Variants in TRAF3 observed in about 807,000 individuals in gnomAD.
TRAF3 encodes TNF receptor associated factor 3.
A neutral mutation model predicts 62.3 loss-of-function variants in TRAF3; 13 were observed. That is an observed-to-expected ratio of 0.21 (90% CI 0.14 to 0.33). TRAF3 has a LOEUF of 0.33. Among genes scored for constraint, TRAF3 ranks in the 10% least tolerant of loss-of-function variants. The probability of loss-of-function intolerance (pLI) is 1.00; values close to 1 mark genes in which losing one functional copy is unlikely to be tolerated. For missense variants in TRAF3, 440 were observed against 741.8 expected (o/e 0.59, Z 4.73); for synonymous variants, 269 against 283.4 (o/e 0.95, Z 0.51).
At chr14:102,897,588 G>A (rs560473849) in intron 10 of TRAF3, among the ~76,000 whole-genome samples, 187 bp downstream of exon 10, 3 of 152,320 alleles carry the variant, frequency 2.0e-5, no homozygotes, top group African/African-American at 7.2e-5. Context: ...GGCCTGGGAA[G>A]CCGCAGGTCA....
chr14:102,809,426 G>T (rs796308083), intron 1 of TRAF3, among the ~76,000 whole-genome samples: 1 of 152,014 alleles, frequency 6.6e-6, no homozygotes, highest in Non-Finnish European at 1.5e-5. Flanking sequence ...CACCGCGCCT[G>T]GCCTAGAGTG....
At chr14:102,869,992 G>A (rs1888239472) in intron 2 of TRAF3, among the ~76,000 whole-genome samples, 193 bp from the exon 3 acceptor site, 1 of 151,910 alleles carries the variant, frequency 6.6e-6, no homozygotes, top group South Asian at 2.1e-4. Context: ...GTTACTATGT[G>A]TTTGGGTAAA....
intron 6 of TRAF3, among the ~76,000 whole-genome samples, chr14:102,881,234 A>C (rs1889038626): frequency 6.6e-6 from 1 of 151,788 alleles, no homozygotes; most frequent in African/African-American, 2.4e-5. Context: ...AAATACAAAA[A>C]TTAGCTGGGC....
In TRAF3 at chr14:102,900,920, A is replaced by G. The variant is rs181476729; in HGVS notation, c.961-2335A>G. 3.3e-5 allele frequency among the ~76,000 whole-genome samples: 5 copies of G among 152,296 alleles called. No individual in the cohort carries two copies. In the East Asian group the frequency reaches 9.6e-4, roughly 29 times the overall value. ...TACCTGCACTTGAGATTTATTTTTT[A>G]TAGAAACTGCAGTGACTGAGTGTAG... On this transcript the variant is annotated intron_variant, in intron 10 of 11. Transcript: ENST00000392745.
chr14:102,801,123 G>T (rs144086328), intron 1 of TRAF3, among the ~76,000 whole-genome samples: 1 of 152,200 alleles, frequency 6.6e-6, no homozygotes, highest in Non-Finnish European at 1.5e-5. Flanking sequence ...CGGAGATCGC[G>T]CCACGGCACT....
rs200631045 is a variant in TRAF3, at chr14:102,870,156, G to C, written c.-17-29G>C. 5.5e-5 allele frequency: 88 copies of C among 1,613,858 alleles called. 1 individual carries two copies. The African/African-American group carries it at 1.1e-3, about 20-fold the overall frequency. On this transcript the variant is annotated intron_variant, in intron 2 of 11. Coordinates refer to ENST00000392745, the MANE Select transcript of TRAF3 (RefSeq NM_145725.3). ...TTTGTTTCCTTGCATGAGAGGATAT[G>C]ATGGCACTCTACTGTTTTTTCCCGA...
chr14:102,830,028 T>C (rs1900576475), intron 1 of TRAF3, among the ~76,000 whole-genome samples: 1 of 152,126 alleles, frequency 6.6e-6, no homozygotes, highest in African/African-American at 2.4e-5. Context: ...TTTAAAACAA[T>C]GTTGACATCT....
chr14:102,886,943 CT>C lies in TRAF3; in HGVS notation c.651+676del, dbSNP rs200073512. On this transcript the variant is annotated intron_variant, in intron 7 of 11. Transcript: ENST00000392745. ...AAGAACATGAATTAACTTAGAGACA[CT>C]TCAGAACCATTTTGCTCACACATGC... 6.7e-3 allele frequency among the ~76,000 whole-genome samples: 1,015 copies of C among 152,318 alleles called. 41 individuals are homozygous for C. The highest frequency in any genetic ancestry group is 0.054 in the Admixed American group (819 of 15,300).
At chr14:102,834,230 A>C (rs1029815475) in intron 2 of TRAF3, among the ~76,000 whole-genome samples, 23 of 152,144 alleles carry the variant, frequency 1.5e-4, no homozygotes, top group African/African-American at 5.6e-4. Flanking sequence ...ACCTAACAGC[A>C]TGGTACGGGT....
In TRAF3 at chr14:102,811,913, C is replaced by CTTTTTTTTTTTTTTT; in HGVS notation, c.-156-18405_-156-18391dup. On this transcript the variant is annotated intron_variant, in intron 1 of 11. Coordinates refer to ENST00000392745, the MANE Select transcript of TRAF3 (RefSeq NM_145725.3). ...TAGGCTTGTGCCACCATGCCTGGCC[C>CTTTTTTTTTTTTTTT]TTTTTTTTTTTTTTTTTTTTTTTTT... is the stretch of plus-strand genomic sequence containing the variant. Among the ~76,000 whole-genome samples, 167 of 47,086 alleles carry CTTTTTTTTTTTTTTT rather than the reference C, an allele frequency of 3.5e-3. 42 individuals are homozygous for CTTTTTTTTTTTTTTT. The highest frequency in any genetic ancestry group is 6.7e-3 in the South Asian group (4 of 596). The allele number at this position is 47,086 out of a possible 152,430, so 30.9% of individuals were successfully genotyped here. A position where few individuals can be genotyped will look rare whatever the true frequency, so the allele number is the denominator to read the frequency against.
chr14:102,866,929 G>A (rs1035426934), intron 2 of TRAF3, among the ~76,000 whole-genome samples: 1 of 150,732 alleles, frequency 6.6e-6, no homozygotes, highest in African/African-American at 2.4e-5. Flanking sequence ...GGCATTTCAC[G>A]GAAGAGAAAA....
intron 1 of TRAF3, among the ~76,000 whole-genome samples, chr14:102,802,136 G>GCCACCACGC: frequency 6.7e-6 from 1 of 148,688 alleles, no homozygotes; most frequent in Non-Finnish European, 1.5e-5. Flanking sequence ...GCAGGCATGA[G>GCCACCACGC]CCATTGCACC....
chr14:102,855,247 G>A (rs1887294039), intron 2 of TRAF3, among the ~76,000 whole-genome samples: 1 of 152,082 alleles, frequency 6.6e-6, no homozygotes, highest in African/African-American at 2.4e-5. Flanking sequence ...ACATTTTGGT[G>A]GTTTCTACCT....
chr14:102,797,650 G>C lies in TRAF3; in HGVS notation c.-157+19975G>C, dbSNP rs187706899. On this transcript the variant is annotated intron_variant, in intron 1 of 11. Transcript: ENST00000392745. ...TGCATGGCATATGGAGATTATAGTTGCTGTGAAAATAAAATAATCAGTTTT... is the reference window on the plus strand; with the variant it reads ...TGCATGGCATATGGAGATTATAGTTCCTGTGAAAATAAAATAATCAGTTTT... Among the ~76,000 whole-genome samples the C allele has an allele frequency of 1.2e-4, 19 of 152,164 alleles. 1 individual carries two copies. The East Asian group carries it at 3.7e-3, about 29-fold the overall frequency.
intron 2 of TRAF3, among the ~76,000 whole-genome samples, chr14:102,848,015 C>T (rs1169228105): frequency 6.6e-6 from 1 of 152,210 alleles, no homozygotes; most frequent in Non-Finnish European, 1.5e-5. Flanking sequence ...TCTCTCGGCC[C>T]TACCCTTCCC....
At chr14:102,891,265 C>G (rs891528259) in intron 8 of TRAF3, 60 bp from the exon 9 acceptor site, 1 of 1,497,024 alleles carries the variant, frequency 6.7e-7, no homozygotes, top group East Asian at 2.4e-5. Context: ...GTATGTTAGC[C>G]GTTCTGCCCT....
chr14:102,807,384 C>T (rs1045716424), intron 1 of TRAF3, among the ~76,000 whole-genome samples: 2 of 152,222 alleles, frequency 1.3e-5, no homozygotes, highest in Non-Finnish European at 2.9e-5. Flanking sequence ...CATGCCTGCA[C>T]CTGGAGTCCT....
At position 102,911,072 on chromosome 14, in the gene TRAF3, A is replaced by G. The variant is rs1890845728; in HGVS notation, c.*5288A>G. On this transcript the variant is annotated 3_prime_UTR_variant, in exon 12 of 12. Transcript: ENST00000392745. ...TCGGTTCTGTTACCCAAAAACAAAG[A>G]CCAAAGAAGGCCAATCTCTCATTTG... 1 of 152,210 alleles carries G rather than the reference A, an allele frequency of 6.6e-6. No homozygotes were observed. Among genetic ancestry groups the G allele is most frequent in the Non-Finnish European group, 1.5e-5 (1 of 68,034 alleles). The allele number at this position is 152,210 out of a possible 1,614,324, so 9.4% of individuals were successfully genotyped here. A position where few individuals can be genotyped will look rare whatever the true frequency, so the allele number is the denominator to read the frequency against.
At chr14:102,812,119 CTCTG>C (rs1358427501) in intron 1 of TRAF3, among the ~76,000 whole-genome samples, 2 of 151,740 alleles carry the variant, frequency 1.3e-5, no homozygotes, top group Non-Finnish European at 2.9e-5. Flanking sequence ...GAACACTAGA[CTCTG>C]TTCCTGTCTA....
Sources: allele counts gnomAD v4.1 joint callset (sites outside exome capture counted in the v4.1 genomes callset), GRCh38; gene constraint gnomAD v4.1.1; transcripts MANE v1.5; gene names NCBI Gene and HGNC (gene_info 2026-07-23, HGNC 2026-07-21).